Variants in FTCDNL1 observed in about 807,000 individuals in gnomAD.
FTCDNL1 encodes formiminotransferase cyclodeaminase N-terminal like, also known as formiminotransferase N-terminal subdomain-containing protein.
Under a neutral mutation model 5.9 loss-of-function variants are expected in FTCDNL1, and 11 were observed. The observed-to-expected ratio is 1.87, with a 90% confidence interval of 1.18 to 3.10. The LOEUF (loss-of-function observed/expected upper bound fraction) is 3.10, where lower values mean the gene tolerates loss of function less well. FTCDNL1 is among the 30% of genes most tolerant of loss of function. The pLI is 0.00. For missense variants in FTCDNL1, 115 were observed against 65.5 expected (o/e 1.76, Z -2.61); for synonymous variants, 58 against 24.8 (o/e 2.34, Z -3.99).
chr2:199,765,532 T>TTTTATATATATATATATATATA (rs1436369027), intron 3 of FTCDNL1, among the ~76,000 whole-genome samples: 2 of 79,624 alleles, frequency 2.5e-5, no homozygotes, highest in African/African-American at 7.6e-5. Flanking sequence ...TTTGTCTTCA[T>TTTTATATATATATATATATATA]TATATATATA....
the FTCDNL1 span, among the ~76,000 whole-genome samples, chr2:199,670,046 A>G: frequency 6.6e-6 from 1 of 152,244 alleles, no homozygotes; most frequent in African/African-American, 2.4e-5. Context: ...TGGTGATTAC[A>G]TGAAACATAA....
chr2:199,846,087 C>T lies in FTCDNL1; in HGVS notation c.199G>A (p.Val67Ile). The change falls in exon 3 of 5, where the codon GTT (valine) becomes ATT (isoleucine). Residue 67 changes from valine to isoleucine, a missense_variant. By Grantham distance (29) the Val-to-Ile change is conservative (BLOSUM62 3). Coordinates refer to ENST00000420128, the MANE Select transcript of FTCDNL1 (RefSeq NM_001363886.2). ...KRSVITIATSVDKLGLAEDLV... is the reference protein window; with the variant it reads ...KRSVITIATSIDKLGLAEDLV... ...ACTGAAATCTTACCCAACTTATCAA[C>T]AGAAGTTGCTATTGTAATGACTGAT... is the stretch of plus-strand genomic sequence containing the variant. 1.4e-6 allele frequency: 1 copy of T among 693,460 alleles called. No individual in the cohort carries two copies. Among genetic ancestry groups the T allele is most frequent in the Non-Finnish European group, 2.6e-6 (1 of 381,722 alleles). The allele number at this position is 693,460 out of a possible 1,614,324, so 43.0% of individuals were successfully genotyped here.
At chr2:199,730,586 A>G in the FTCDNL1 span, among the ~76,000 whole-genome samples, 4 of 152,092 alleles carry the variant, frequency 2.6e-5, no homozygotes, top group Non-Finnish European at 5.9e-5. Flanking sequence ...CAAACATGTG[A>G]AAAAAAAGCT....
the FTCDNL1 span, among the ~76,000 whole-genome samples, chr2:199,735,115 G>GA: frequency 0.079 from 6,468 of 81,558 alleles, 409 homozygotes; most frequent in African/African-American, 0.2. Flanking sequence ...ACTACCTTTA[G>GA]AAAAAAAAAA....
chr2:199,721,826 T>G, the FTCDNL1 span, among the ~76,000 whole-genome samples: 3 of 152,176 alleles, frequency 2.0e-5, no homozygotes, highest in Non-Finnish European at 2.9e-5. Flanking sequence ...TTCTGACTGG[T>G]GTGAGATGGT....
downstream of FTCDNL1, among the ~76,000 whole-genome samples, chr2:199,758,439 G>C (rs1037655420): frequency 1.3e-5 from 2 of 149,682 alleles, no homozygotes; most frequent in Non-Finnish European, 3.0e-5. Flanking sequence ...AAAAGCAAGA[G>C]GCCATTCCCA....
chr2:199,816,006 A>AAAG (rs1553545027), intron 4 of FTCDNL1, among the ~76,000 whole-genome samples: 5 of 148,776 alleles, frequency 3.4e-5, no homozygotes, highest in Non-Finnish European at 6.0e-5. Flanking sequence ...TCTCAAAAAA[A>AAAG]AAAGAAAGAA....
intron 3 of FTCDNL1, among the ~76,000 whole-genome samples, chr2:199,774,869 C>T (rs1299313111): frequency 6.6e-6 from 1 of 152,174 alleles, no homozygotes; most frequent in African/African-American, 2.4e-5. Flanking sequence ...GACTCAAAGT[C>T]ATTCACTGTC....
chr2:199,816,056 T>C (rs1373538071), intron 4 of FTCDNL1, among the ~76,000 whole-genome samples: 1 of 152,160 alleles, frequency 6.6e-6, no homozygotes, highest in Admixed American at 6.5e-5. Context: ...TGGATTATTT[T>C]TTAAGGAAGA....
At chr2:199,792,919 T>C (rs1212184237) in intron 3 of FTCDNL1, among the ~76,000 whole-genome samples, 4 of 152,148 alleles carry the variant, frequency 2.6e-5, no homozygotes, top group Non-Finnish European at 5.9e-5. Flanking sequence ...AAGGAACATA[T>C]TTTTTCCCCT....
At chr2:199,783,389 A>G (rs1268603165) in intron 3 of FTCDNL1, among the ~76,000 whole-genome samples, 4 of 152,106 alleles carry the variant, frequency 2.6e-5, no homozygotes, top group Admixed American at 1.3e-4. Context: ...CTTTAATGAC[A>G]CCAATGTTAA....
At chr2:199,760,759 A>T (rs1341251081) in exon 4 of FTCDNL1, 1 of 702,222 alleles carries the variant, frequency 1.4e-6, no homozygotes, top group Admixed American at 2.0e-5. Context: ...CATTCTGTGG[A>T]TTGCTCTGCC....
chr2:199,705,726 G>C, the FTCDNL1 span, among the ~76,000 whole-genome samples: 1 of 151,496 alleles, frequency 6.6e-6, no homozygotes, highest in African/African-American at 2.4e-5. Context: ...ACTTTATCAA[G>C]TTGAGCAAGT....
At position 199,840,558 on chromosome 2, in the gene FTCDNL1, T is replaced by C. The variant is rs548344502; in HGVS notation, c.211+5517A>G. Among the ~76,000 whole-genome samples, 5 of 152,162 alleles carry C rather than the reference T, an allele frequency of 3.3e-5. No individual in the cohort carries two copies. In the South Asian group the frequency reaches 1.0e-3, roughly 32 times the overall value. ...TATTCCACAGTGAGAAGTCAATAGA[T>C]AATGCCTAAAACTGAAAGACCAAGA... On this transcript the variant is annotated intron_variant, in intron 3 of 4. Coordinates refer to ENST00000420128, the MANE Select transcript of FTCDNL1 (RefSeq NM_001363886.2).
Position 199,848,958 on chromosome 2 carries a change from G to C in FTCDNL1, c.5C>G (p.Ser2Cys), listed in dbSNP as rs1399888133. Residue 2 changes from serine (S) to cysteine (C), a missense_variant, in exon 2 of 5, where the codon TCT becomes TGT. Ser to Cys is a moderately radical substitution (Grantham distance 112). Transcript: ENST00000420128. The stretch of plus-strand genomic sequence containing the variant: ...CAAACGGAGCCCCACTCTGGAAGAA[G>C]ACATGATTTTTCTGGAATAGGAGAA... MSSSRVGLRLAA... is the reference protein window; with the variant it reads MCSSRVGLRLAA... 2.9e-6 allele frequency: 2 copies of C among 701,170 alleles called. No individual in the cohort carries two copies. The highest frequency in any genetic ancestry group is 5.2e-6 in the Non-Finnish European group (2 of 384,564). The allele number at this position is 701,170 out of a possible 1,614,324, so 43.4% of individuals were successfully genotyped here. A position where few individuals can be genotyped will look rare whatever the true frequency, so the allele number is the denominator to read the frequency against.
At chr2:199,729,838 T>A in the FTCDNL1 span, among the ~76,000 whole-genome samples, 2 of 152,136 alleles carry the variant, frequency 1.3e-5, no homozygotes, top group Admixed American at 6.5e-5. Flanking sequence ...CTTCACAGAA[T>A]TGGAAAAAAC....
the FTCDNL1 span, among the ~76,000 whole-genome samples, chr2:199,727,173 C>G: frequency 2.6e-4 from 39 of 152,316 alleles, 1 homozygote; most frequent in East Asian, 7.2e-3. Context: ...CCTAAAGAAG[C>G]AGTCTGGTCA....
At chr2:199,849,197 C>T (rs1344042708) in intron 1 of FTCDNL1, among the ~76,000 whole-genome samples, 3 of 152,162 alleles carry the variant, frequency 2.0e-5, no homozygotes, top group Non-Finnish European at 4.4e-5. Context: ...CTGGAAAATA[C>T]CTGGCAGGGT....
At chr2:199,763,525 T>C (rs1698368641) in intron 3 of FTCDNL1, among the ~76,000 whole-genome samples, 1 of 152,144 alleles carries the variant, frequency 6.6e-6, no homozygotes, top group Admixed American at 6.5e-5. Context: ...AGCTCCCTAC[T>C]CACCTTTCCC....
Sources: gnomAD v4.1 joint callset for allele counts (sites outside exome capture counted in the v4.1 genomes callset) on GRCh38, gnomAD v4.1.1 for gene constraint, MANE v1.5 for transcripts, NCBI Gene and HGNC (gene_info 2026-07-23, HGNC 2026-07-21) for gene names.